EFHC2: variants seen among roughly 807,000 people sequenced by gnomAD.
EFHC2 encodes the protein EF-hand domain containing 2.
Under a neutral mutation model 52.7 loss-of-function variants are expected in EFHC2, and 18 were observed. That is an observed-to-expected ratio of 0.34 (90% CI 0.24 to 0.51). The LOEUF (loss-of-function observed/expected upper bound fraction) is 0.51. EFHC2 is among the 20% of genes least tolerant of loss of function. The pLI, the probability that EFHC2 is intolerant of heterozygous loss-of-function variation, is 0.97. For missense variants in EFHC2, 513 were observed against 562.5 expected, an observed-to-expected ratio of 0.91 and a Z score of 0.89; for synonymous variants, 203 against 204.1, an observed-to-expected ratio of 0.99 and a Z score of 0.04.
At chrX:44,197,106 G>C (rs182502493) in intron 11 of EFHC2, among the ~76,000 whole-genome samples, 9 of 112,085 alleles carry the variant, frequency 8.0e-5, no homozygotes, top group Non-Finnish European at 1.5e-4. Flanking sequence ...AAAGCATTTA[G>C]TGCAACATTT....
chrX:44,195,338 T>C (rs1047206381), intron 11 of EFHC2, among the ~76,000 whole-genome samples: 2 of 111,835 alleles, frequency 1.8e-5, no homozygotes, highest in Non-Finnish European at 3.8e-5. Flanking sequence ...AACAGAGCCA[T>C]CCCAGCTGGG....
rs143552020 is a variant in EFHC2, at chrX:44,270,413, A to T, written c.382+2273T>A. ...TTCTCCCCCTTGAACTCATTGTGGT[A>T]TATCAATACAGAGCCCTCAGGCCTA... is the stretch of plus-strand genomic sequence containing the variant. On this transcript the variant is annotated intron_variant, in intron 3 of 14. Coordinates refer to ENST00000420999, the MANE Select transcript of EFHC2 (RefSeq NM_025184.4). Among the ~76,000 whole-genome samples, 394 of 111,783 alleles carry T rather than the reference A, an allele frequency of 3.5e-3. 2 individuals are homozygous for T. Among genetic ancestry groups the T allele is most frequent in the African/African-American group, 0.012 (368 of 30,761 alleles).
intron 1 of EFHC2, among the ~76,000 whole-genome samples, chrX:44,323,348 A>C (rs752514945): frequency 1.4e-3 from 156 of 112,350 alleles, no homozygotes; most frequent in African/African-American, 4.8e-3. Context: ...TGGGCAATCC[A>C]CTGTAGCAAA....
intron 9 of EFHC2, 54 bp from the exon 10 acceptor site, chrX:44,232,731 G>A: frequency 9.3e-7 from 1 of 1,075,779 alleles, no homozygotes; most frequent in East Asian, 3.3e-5. Context: ...AGAACCACGT[G>A]ACTTGCCTTC....
At chrX:44,224,219 A>T (rs978374230) in intron 11 of EFHC2, among the ~76,000 whole-genome samples, 8 of 112,470 alleles carry the variant, frequency 7.1e-5, no homozygotes, top group Non-Finnish European at 1.5e-4. Context: ...ACTGGAAACA[A>T]GATGTACCTT....
intron 11 of EFHC2, among the ~76,000 whole-genome samples, chrX:44,190,670 G>A (rs1431680723): frequency 2.0e-5 from 2 of 98,879 alleles, no homozygotes; most frequent in Admixed American, 1.2e-4. Context: ...ACATCACCTC[G>A]TTCAACATCA....
intron 11 of EFHC2, among the ~76,000 whole-genome samples, chrX:44,198,803 T>C (rs34799018): frequency 0.14 from 15,830 of 110,302 alleles, 1,241 homozygotes; most frequent in African/African-American, 0.29. Flanking sequence ...AGAGTAGCAA[T>C]TGGGAACTCC....
chrX:44,311,657 CATATGT>C (rs2037948519), intron 2 of EFHC2, among the ~76,000 whole-genome samples: 1 of 111,819 alleles, frequency 8.9e-6, no homozygotes, highest in Admixed American at 9.5e-5. Flanking sequence ...CCAATATGTC[CATATGT>C]ATATGTGTGT....
At chrX:44,207,652 C>T (rs778679509) in intron 11 of EFHC2, among the ~76,000 whole-genome samples, 23 of 112,333 alleles carry the variant, frequency 2.0e-4, no homozygotes, top group African/African-American at 6.5e-4. Flanking sequence ...AATTGACAAA[C>T]GGGACTTAAT....
At chrX:44,302,713 G>A (rs775957331) in intron 2 of EFHC2, among the ~76,000 whole-genome samples, 1 of 111,690 alleles carries the variant, frequency 9.0e-6, no homozygotes, top group Admixed American at 9.5e-5. Context: ...GGATTAAAAC[G>A]GCAAATGTAT....
chrX:44,229,850 T>C (rs2147320267), intron 10 of EFHC2, 71 bp from the exon 11 acceptor site: 1 of 1,054,680 alleles, frequency 9.5e-7, no homozygotes, highest in South Asian at 2.2e-5. Context: ...ATCTTGCTGA[T>C]GGCCAGCAAA....
chrX:44,212,281 GA>G (rs748936171), intron 11 of EFHC2, among the ~76,000 whole-genome samples: 1 of 111,856 alleles, frequency 8.9e-6, no homozygotes, highest in East Asian at 2.8e-4. Flanking sequence ...CAAAGTGGAT[GA>G]GGGGGGTTGG....
chrX:44,279,540 A>C (rs2037686074), intron 2 of EFHC2, among the ~76,000 whole-genome samples: 1 of 111,739 alleles, frequency 8.9e-6, no homozygotes, highest in Admixed American at 9.5e-5. Context: ...GAGAAATGAT[A>C]CAGTGCATGA....
chrX:44,305,346 T>C (rs1391277722), intron 2 of EFHC2, among the ~76,000 whole-genome samples: 1 of 112,013 alleles, frequency 8.9e-6, no homozygotes, highest in African/African-American at 3.2e-5. Context: ...TTAATGAAGA[T>C]TGGATCAGTA....
chrX:44,209,512 C>G (rs1237090604), intron 11 of EFHC2, among the ~76,000 whole-genome samples: 1 of 111,096 alleles, frequency 9.0e-6, no homozygotes, highest in Non-Finnish European at 1.9e-5. Context: ...AAATATCAAT[C>G]TTATTTCTAT....
intron 13 of EFHC2, among the ~76,000 whole-genome samples, chrX:44,173,618 G>A (rs1017297337): frequency 1.8e-5 from 2 of 111,563 alleles, no homozygotes; most frequent in African/African-American, 6.5e-5. Context: ...CCTGAGTGTG[G>A]AGAAGGGTCA....
intron 7 of EFHC2, among the ~76,000 whole-genome samples, chrX:44,243,034 T>C (rs2037372317): frequency 8.9e-6 from 1 of 111,865 alleles, no homozygotes; most frequent in East Asian, 2.8e-4. Flanking sequence ...GTAAATACTG[T>C]TGATTTTATT....
At chrX:44,199,096 G>A (rs994920908) in intron 11 of EFHC2, among the ~76,000 whole-genome samples, 5 of 112,847 alleles carry the variant, frequency 4.4e-5, no homozygotes, top group Admixed American at 1.9e-4. Flanking sequence ...AATCCCCAGC[G>A]TTGGAGGTGG....
chrX:44,329,207 A>AT (rs2038070996), intron 1 of EFHC2, among the ~76,000 whole-genome samples: 2 of 111,759 alleles, frequency 1.8e-5, no homozygotes, highest in Admixed American at 9.6e-5. Flanking sequence ...CTATCTTTTA[A>AT]TTTTTTTAGC....
Sources: gnomAD v4.1 joint callset for allele counts (sites outside exome capture counted in the v4.1 genomes callset) on GRCh38, gnomAD v4.1.1 for gene constraint, MANE v1.5 for transcripts, NCBI Gene and HGNC (gene_info 2026-07-23, HGNC 2026-07-21) for gene names.